Variants in FBXW4 observed in about 807,000 individuals in gnomAD.
FBXW4 encodes the protein F-box/WD repeat-containing protein 4.
A neutral mutation model predicts 61.8 loss-of-function variants in FBXW4; 40 were observed. The ratio of observed to expected loss-of-function variants is 0.65; its 90% CI spans 0.50 to 0.84. FBXW4 has a LOEUF of 0.84. Among genes scored for constraint, FBXW4 ranks in the 40% least tolerant of loss-of-function variants. FBXW4 has a pLI of 0.00. For missense variants in FBXW4, 672 were observed against 753.8 expected, an observed-to-expected ratio of 0.89 and a Z score of 1.27; for synonymous variants, 311 against 313.8, an observed-to-expected ratio of 0.99 and a Z score of 0.10.
chr10:101,626,604 C>CTCAA, intron 5 of FBXW4: 1 of 152,494 alleles, frequency 6.6e-6, no homozygotes, highest in Non-Finnish European at 1.5e-5. Context: ...GTTCCCCTGC[C>CTCAA]TCAGCCTCCC....
At chr10:101,660,689 G>A (rs2064234152) in intron 5 of FBXW4, among the ~76,000 whole-genome samples, 1 of 152,252 alleles carries the variant, frequency 6.6e-6, no homozygotes, top group South Asian at 2.1e-4. Flanking sequence ...AAAGTCAGCA[G>A]CAGCTAAAGC....
chr10:101,653,611 TTAA>T (rs2064161561), intron 5 of FBXW4, among the ~76,000 whole-genome samples: 1 of 152,230 alleles, frequency 6.6e-6, no homozygotes, highest in Non-Finnish European at 1.5e-5. Context: ...CTCTTCTGAC[TTAA>T]TAACAAGGCT....
rs1218987316 is a variant in FBXW4 at position 101,623,483 on chromosome 10, G to A, written c.1301+1262C>T. 2.0e-5 allele frequency among the ~76,000 whole-genome samples: 3 copies of A among 152,168 alleles called. No individual in the cohort carries two copies. In the South Asian group the frequency reaches 6.2e-4, roughly 31 times the overall value. On this transcript the variant is annotated intron_variant, in intron 6 of 8. Transcript: ENST00000331272. ...AAGAAATTGGATCTCTCATACATTG[G>A]TGGTGGGAATGTAAAATGATAAAGA...
chr10:101,679,355 A>G (rs1259217984), intron 1 of FBXW4, among the ~76,000 whole-genome samples: 1 of 152,248 alleles, frequency 6.6e-6, no homozygotes. Flanking sequence ...GCATATCAGT[A>G]AGTGCTCATA....
Position 101,691,405 on chromosome 10 carries a change from A to G in FBXW4, c.725+2976T>C, listed in dbSNP as rs943621019. ...CTCAATCCAGAAAACCCGAGCAGTG[A>G]CCCTGCTCTTTATCAAGTGCTATGG... On this transcript the variant is annotated intron_variant, in intron 1 of 8. Transcript: ENST00000331272. 2.0e-5 allele frequency among the ~76,000 whole-genome samples: 3 copies of G among 152,268 alleles called. No homozygotes were observed. In the South Asian group the frequency reaches 6.2e-4, roughly 32 times the overall value.
chr10:101,620,459 G>A (rs2063859084), intron 6 of FBXW4, among the ~76,000 whole-genome samples: 1 of 152,184 alleles, frequency 6.6e-6, no homozygotes, highest in South Asian at 2.1e-4. Context: ...CAGGACAGAT[G>A]TTTAAACAAA....
intron 4 of FBXW4, among the ~76,000 whole-genome samples, chr10:101,671,806 G>T (rs1318906115): frequency 1.3e-5 from 2 of 152,220 alleles, no homozygotes; most frequent in African/African-American, 4.8e-5. Flanking sequence ...GGAAGCAAGT[G>T]ACAGGAAATT....
At chr10:101,627,046 C>CT (rs546029527) in intron 5 of FBXW4, 19,808 of 129,996 alleles carry the variant, frequency 0.15, 1,934 homozygotes, top group Middle Eastern at 0.23. Flanking sequence ...TGTACAGGGC[C>CT]TTTTTTTTTT....
At chr10:101,684,133 T>A (rs896882771) in intron 1 of FBXW4, among the ~76,000 whole-genome samples, 1 of 151,918 alleles carries the variant, frequency 6.6e-6, no homozygotes, top group South Asian at 2.1e-4. Flanking sequence ...CCCAGCTAAT[T>A]TTTTATTTTA....
At chr10:101,668,652 T>C (rs912486809) in intron 4 of FBXW4, among the ~76,000 whole-genome samples, 1 of 152,190 alleles carries the variant, frequency 6.6e-6, no homozygotes, top group African/African-American at 2.4e-5. Flanking sequence ...AAAATATTGC[T>C]TGGAGCACAT....
chr10:101,644,844 A>G (rs17114147), intron 5 of FBXW4, among the ~76,000 whole-genome samples: 4,876 of 152,268 alleles, frequency 0.032, 99 homozygotes, highest in East Asian at 0.11. Context: ...TCATGCCAAC[A>G]AAAATGAGAT....
intron 5 of FBXW4, among the ~76,000 whole-genome samples, chr10:101,655,613 A>G (rs2064178241): frequency 6.6e-6 from 1 of 152,214 alleles, no homozygotes; most frequent in Admixed American, 6.5e-5. Context: ...TTCTCTTCTC[A>G]TTCAGGCACA....
At chr10:101,673,104 A>C in intron 3 of FBXW4, 57 bp from the exon 4 acceptor site, 2 of 1,583,548 alleles carry the variant, frequency 1.3e-6, no homozygotes, top group Non-Finnish European at 1.7e-6. Context: ...CTGTAGAAAG[A>C]GAACAACTCT....
chr10:101,681,642 G>A (rs973617405), intron 1 of FBXW4, among the ~76,000 whole-genome samples: 34 of 149,436 alleles, frequency 2.3e-4, no homozygotes, highest in Admixed American at 1.0e-3. Flanking sequence ...GCATGAACCC[G>A]GGAGGCAGCG....
At chr10:101,662,070 T>A (rs888451380) in intron 5 of FBXW4, among the ~76,000 whole-genome samples, 1 of 152,210 alleles carries the variant, frequency 6.6e-6, no homozygotes. Flanking sequence ...GCAGCACCAC[T>A]GGCAACCAAA....
At position 101,611,875 on chromosome 10, in the gene FBXW4, G is replaced by T; in HGVS notation, c.1443-106C>A. On this transcript the variant is annotated intron_variant, in intron 7 of 8. Coordinates refer to ENST00000331272, the MANE Select transcript of FBXW4 (RefSeq NM_022039.4). This position sits in a 1 kb window ranked among gnomAD's most constrained non-coding sequence, Gnocchi z 4.9. Reference sequence around the variant, plus strand: ...GAGGGGAGCGTTAAGGAGCCATTCCGGGATGGAAGAGAAAGAAGCCTAAAT... The same window carrying T: ...GAGGGGAGCGTTAAGGAGCCATTCCTGGATGGAAGAGAAAGAAGCCTAAAT... 7.6e-7 allele frequency: 1 copy of T among 1,317,258 alleles called. No homozygotes were observed. 81.6% of individuals were successfully genotyped at this position (1,317,258 alleles called of 1,614,324 possible).
chr10:101,649,500 G>A (rs1266220557), intron 5 of FBXW4, among the ~76,000 whole-genome samples: 2 of 152,164 alleles, frequency 1.3e-5, no homozygotes, highest in African/African-American at 2.4e-5. Flanking sequence ...ACAGTAAAAG[G>A]AAAAAGGAGG....
At chr10:101,612,517 G>A (rs918180491) in intron 6 of FBXW4, 40 bp from the exon 7 acceptor site, 2 of 1,486,858 alleles carry the variant, frequency 1.3e-6, no homozygotes, top group African/African-American at 2.8e-5. Flanking sequence ...GCTCCACGTG[G>A]GTCATACACA....
intron 5 of FBXW4, among the ~76,000 whole-genome samples, chr10:101,646,506 C>T (rs931871596): frequency 2.6e-5 from 4 of 152,222 alleles, no homozygotes. Context: ...AAAGCATTTC[C>T]CCCACAGGAG....
Sources: allele counts gnomAD v4.1 joint callset (sites outside exome capture counted in the v4.1 genomes callset), GRCh38; gene constraint gnomAD v4.1.1; non-coding constraint Gnocchi (gnomAD v3.1); transcripts MANE v1.5; gene names NCBI Gene and HGNC (gene_info 2026-07-23, HGNC 2026-07-21).